Variants in PRKDC observed in about 807,000 individuals in gnomAD.
PRKDC encodes DNA-dependent protein kinase catalytic subunit.
Under a neutral mutation model 486.9 loss-of-function variants are expected in PRKDC, and 82 were observed. The ratio of observed to expected loss-of-function variants is 0.17; its 90% CI spans 0.14 to 0.20. PRKDC has a LOEUF of 0.20. Ranked by LOEUF, PRKDC falls within the 10% of genes least tolerant of loss-of-function variation. PRKDC has a pLI of 1.00. For synonymous variants in PRKDC, 1,895 were observed against 1,837.0 expected, an observed-to-expected ratio of 1.03 and a Z score of -0.81; for missense variants, 4,504 against 5,038.2, an observed-to-expected ratio of 0.89 and a Z score of 3.21.
At chr8:47,824,301 C>T (rs1024751082) in intron 63 of PRKDC, among the ~76,000 whole-genome samples, 2 of 151,644 alleles carry the variant, frequency 1.3e-5, no homozygotes, top group African/African-American at 2.4e-5. Flanking sequence ...GGTGAAACCC[C>T]GTCTCTACTA....
At chr8:47,935,959 A>T in intron 12 of PRKDC, 59 bp from the exon 13 acceptor site, 1 of 1,446,806 alleles carries the variant, frequency 6.9e-7, no homozygotes, top group Non-Finnish European at 9.4e-7. Flanking sequence ...ATACAGGAAT[A>T]ATACAAATAT....
chr8:47,954,018 A>T, intron 5 of PRKDC, 99 bp from the exon 6 acceptor site: 1 of 703,938 alleles, frequency 1.4e-6, no homozygotes, highest in Non-Finnish European at 2.2e-6. Context: ...ATAAAGTTCA[A>T]AATTGATTTT....
chr8:47,933,846 C>T (rs2090300121), intron 15 of PRKDC, 119 bp downstream of exon 15: 4 of 1,077,946 alleles, frequency 3.7e-6, no homozygotes, highest in Non-Finnish European at 4.9e-6. Context: ...TTTTGAAGTA[C>T]ACTGTTTTAA....
Position 47,877,728 on chromosome 8 carries a change from T to C in PRKDC, c.5359A>G (p.Arg1787Gly). The change falls in exon 40 of 86, where the codon AGA (arginine) becomes GGA (glycine). Residue 1787 changes from arginine to glycine, a missense_variant. Around this residue, in one of 6 missense-constraint regions of PRKDC, gnomAD observed 1,969 missense variants for 2,068.9 expected, o/e 0.95. Transcript: ENST00000314191. Reference sequence around the variant, plus strand: ...TCCCAGGCCAGAATGACTTACCTTCTGGCAATCCTCCTGAAACTGGATTGA... The same window carrying C: ...TCCCAGGCCAGAATGACTTACCTTCCGGCAATCCTCCTGAAACTGGATTGA... ...LFQSSFRRIA[R>G]RGSCVTQVGL... The C allele has an allele frequency of 6.3e-7, 1 of 1,584,784 alleles. No individual in the cohort carries two copies. Among genetic ancestry groups the C allele is most frequent in the Non-Finnish European group, 8.6e-7 (1 of 1,164,806 alleles).
intron 54 of PRKDC, among the ~76,000 whole-genome samples, chr8:47,841,922 G>C (rs1445878843): frequency 6.6e-6 from 1 of 152,126 alleles, no homozygotes. Flanking sequence ...ACTGTGTGCT[G>C]GGCAAAAAAC....
chr8:47,944,290 C>T (rs942727405), intron 7 of PRKDC, among the ~76,000 whole-genome samples: 1 of 152,056 alleles, frequency 6.6e-6, no homozygotes, highest in African/African-American at 2.4e-5. Flanking sequence ...GAGATTTAAA[C>T]ACCAACTCAT....
At chr8:47,825,305 G>T (rs2087710545) in intron 63 of PRKDC, among the ~76,000 whole-genome samples, 1 of 152,034 alleles carries the variant, frequency 6.6e-6, no homozygotes, top group Non-Finnish European at 1.5e-5. Context: ...GGAGGCCGGG[G>T]CGGGCGGATC....
chr8:47,810,099 T>A (rs996903895), intron 68 of PRKDC, among the ~76,000 whole-genome samples: 1 of 152,100 alleles, frequency 6.6e-6, no homozygotes, highest in African/African-American at 2.4e-5. Flanking sequence ...CAGCACAGGT[T>A]TGGACAGGAA....
At chr8:47,841,447 A>G (rs1023986681) in intron 54 of PRKDC, among the ~76,000 whole-genome samples, 2 of 152,138 alleles carry the variant, frequency 1.3e-5, no homozygotes, top group Non-Finnish European at 2.9e-5. Flanking sequence ...AGCTGCTCCC[A>G]CAAGAGCATA....
chr8:47,898,675 T>C (rs1433518316), intron 28 of PRKDC, 106 bp from the exon 29 acceptor site: 3 of 610,502 alleles, frequency 4.9e-6, no homozygotes, highest in Non-Finnish European at 7.5e-6. Context: ...GAAAAGGTAA[T>C]TTTACTATAG....
intron 56 of PRKDC, among the ~76,000 whole-genome samples, chr8:47,838,850 A>C (rs2088081679): frequency 6.6e-6 from 1 of 152,256 alleles, no homozygotes; most frequent in South Asian, 2.1e-4. Flanking sequence ...GGGAAACAGA[A>C]GAATTGTCAT....
intron 68 of PRKDC, among the ~76,000 whole-genome samples, chr8:47,808,972 T>A (rs1461357803): frequency 2.0e-5 from 3 of 151,296 alleles, no homozygotes; most frequent in Non-Finnish European, 4.4e-5. Context: ...TGCAGTGAGC[T>A]ATGACTGCAC....
At chr8:47,878,721 A>T (rs2089142076) in intron 39 of PRKDC, among the ~76,000 whole-genome samples, 1 of 152,216 alleles carries the variant, frequency 6.6e-6, no homozygotes, top group Admixed American at 6.5e-5. Context: ...CTGCATATTT[A>T]ATTTCCAAGG....
intron 73 of PRKDC, among the ~76,000 whole-genome samples, chr8:47,795,912 G>A (rs907651599): frequency 7.0e-6 from 1 of 142,072 alleles, no homozygotes; most frequent in Admixed American, 7.1e-5. Context: ...TTTTTTTTAT[G>A]AGACAAGAGT....
intron 7 of PRKDC, among the ~76,000 whole-genome samples, chr8:47,944,945 C>T (rs1007222990): frequency 2.6e-5 from 4 of 152,204 alleles, no homozygotes; most frequent in African/African-American, 9.7e-5. Context: ...CTTTGGAATT[C>T]ATGACAAGCA....
At chr8:47,913,457 C>T (rs2089938739) in intron 24 of PRKDC, among the ~76,000 whole-genome samples, 2 of 151,988 alleles carry the variant, frequency 1.3e-5, no homozygotes, top group African/African-American at 2.4e-5. Flanking sequence ...AATCCAGTGG[C>T]GTAATCTCGG....
chr8:47,894,275 T>TA (rs920972372), intron 30 of PRKDC, among the ~76,000 whole-genome samples: 1 of 151,546 alleles, frequency 6.6e-6, no homozygotes, highest in African/African-American at 2.4e-5. Context: ...AGACTCGGTA[T>TA]AAAAAAAAGA....
chr8:47,800,022 T>C (rs983971080), intron 71 of PRKDC, among the ~76,000 whole-genome samples: 3 of 152,192 alleles, frequency 2.0e-5, no homozygotes, highest in Non-Finnish European at 4.4e-5. Context: ...TATTAAAAAA[T>C]TTGTGTCATT....
At chr8:47,793,786 A>G (rs932220391) in intron 74 of PRKDC, among the ~76,000 whole-genome samples, 1 of 152,040 alleles carries the variant, frequency 6.6e-6, no homozygotes, top group Non-Finnish European at 1.5e-5. Flanking sequence ...AAAAACAAAC[A>G]AAAAACCCCA....
Sources: gnomAD v4.1 joint callset for allele counts (sites outside exome capture counted in the v4.1 genomes callset) on GRCh38, gnomAD v4.1.1 for gene constraint, gnomAD v4.1.1 regional missense constraint, MANE v1.5 for transcripts, NCBI Gene and HGNC (gene_info 2026-07-23, HGNC 2026-07-21) for gene names.